Variants in MOSMO observed in about 807,000 individuals in gnomAD.
The protein encoded by MOSMO is modulator of smoothened, also known as modulator of smoothened protein.
MOSMO carries 5 observed loss-of-function variants against 18.4 expected under a neutral mutation model. The ratio of observed to expected loss-of-function variants is 0.27; its 90% confidence interval spans 0.14 to 0.57. MOSMO has a LOEUF of 0.57. Ranked by LOEUF, MOSMO falls within the 20% of genes least tolerant of loss-of-function variation. MOSMO has a pLI of 0.92. For synonymous variants in MOSMO, 82 were observed against 82.3 expected (o/e 1.00, Z 0.02); for missense variants, 138 against 211.8 (o/e 0.65, Z 2.16).
chr16:22,089,285 C>T (rs1402838494), downstream of MOSMO, among the ~76,000 whole-genome samples: 1 of 152,078 alleles, frequency 6.6e-6, no homozygotes, highest in Non-Finnish European at 1.5e-5. Context: ...CCAGACTGGT[C>T]CTGAACTCCT....
At chr16:22,024,771 G>A (rs1317070575) in intron 1 of MOSMO, among the ~76,000 whole-genome samples, 1 of 152,058 alleles carries the variant, frequency 6.6e-6, no homozygotes, top group South Asian at 2.1e-4. Flanking sequence ...TTTATGGCAG[G>A]GACATATGTG....
intron 1 of MOSMO, among the ~76,000 whole-genome samples, chr16:22,030,576 G>T (rs1899973516): frequency 6.6e-6 from 1 of 152,092 alleles, no homozygotes; most frequent in African/African-American, 2.4e-5. Context: ...TCACCCTGTT[G>T]CCCAGGCTGG....
At chr16:22,089,360 C>T (rs1226254553), downstream of MOSMO, among the ~76,000 whole-genome samples, 1 of 152,164 alleles carries the variant, frequency 6.6e-6, no homozygotes, top group Admixed American at 6.5e-5. Flanking sequence ...AGCCACCATG[C>T]CCCAGCCTGT....
rs142679976 is a variant in MOSMO at position 22,045,891 on chromosome 16, T to A, written c.107-29596T>A. Among the ~76,000 whole-genome samples, 109 of 152,292 alleles carry A rather than the reference T, an allele frequency of 7.2e-4. 2 individuals are homozygous for A. In the East Asian group the frequency reaches 0.018, roughly 25 times the overall value. ...TCTTCACTAGAACTCTTTTTTTTTT[T>A]TATACTTTAAGTTTTAGGGTGCATG... On this transcript the variant is annotated intron_variant, in intron 1 of 2. Coordinates refer to ENST00000542527, the MANE Select transcript of MOSMO (RefSeq NM_001164579.2).
chr16:22,061,536 G>T (rs913170800), intron 1 of MOSMO, among the ~76,000 whole-genome samples: 1 of 152,226 alleles, frequency 6.6e-6, no homozygotes, highest in Non-Finnish European at 1.5e-5. Flanking sequence ...GTCTGGCTGT[G>T]TGTATGGAAG....
chr16:22,054,561 G>A (rs1174730461), intron 1 of MOSMO, among the ~76,000 whole-genome samples: 3 of 152,126 alleles, frequency 2.0e-5, no homozygotes, highest in Admixed American at 2.0e-4. Context: ...GTTTACTAAG[G>A]AGTCTCTGGA....
intron 1 of MOSMO, among the ~76,000 whole-genome samples, chr16:22,043,108 A>C (rs1900241002): frequency 6.6e-6 from 1 of 152,236 alleles, no homozygotes; most frequent in Non-Finnish European, 1.5e-5. Flanking sequence ...CTTACCCTGT[A>C]AAGATCAACA....
chr16:22,052,711 GAAAC>G (rs1190221979), intron 1 of MOSMO, among the ~76,000 whole-genome samples: 2 of 151,994 alleles, frequency 1.3e-5, no homozygotes, highest in African/African-American at 4.8e-5. Context: ...TTGAGCAAGA[GAAAC>G]AAACTGTGGA....
intron 1 of MOSMO, among the ~76,000 whole-genome samples, chr16:22,048,092 G>C (rs1185660280): frequency 6.6e-6 from 1 of 152,190 alleles, no homozygotes; most frequent in Non-Finnish European, 1.5e-5. Flanking sequence ...ATCTTGAGCA[G>C]TGTACTTCCA....
Position 22,075,633 on chromosome 16 carries a change from T to A in MOSMO, c.253T>A (p.Leu85Met). ...CATTTCATTGACTGTCACATGTGGT[T>A]TGCTGGTGGCTTCCCACTGGCGAAG... ...GIISLTVTCG[L>M]LVASHWRREA... is the part of the protein sequence containing the mutation. Residue 85 changes from leucine (L) to methionine (M), a missense_variant, in exon 2 of 3, where the codon TTG (leucine) becomes ATG (methionine). By Grantham distance (15) the Leu-to-Met change is conservative. Transcript: ENST00000542527. 6.5e-7 allele frequency: 1 copy of A among 1,537,418 alleles called. No individual in the cohort carries two copies. Among genetic ancestry groups the A allele is most frequent in the Non-Finnish European group, 8.7e-7 (1 of 1,146,956 alleles).
In MOSMO at chr16:22,008,163, G is replaced by A. The variant is rs1392371116; in HGVS notation, c.-139G>A. 1 of 181,722 alleles carries A rather than the reference G, an allele frequency of 5.5e-6. No individual in the cohort carries two copies. Among genetic ancestry groups the A allele is most frequent in the Non-Finnish European group, 1.0e-5 (1 of 96,852 alleles). The allele number at this position is 181,722 out of a possible 1,614,324, so 11.3% of individuals were successfully genotyped here. On this transcript the variant is annotated 5_prime_UTR_variant, in exon 1 of 3. Transcript: ENST00000542527. ...GCTGCTGGTCCCGGGCGCGCGGAGG[G>A]CGCGAGCGGCGCGCGGGGGCCGAGG...
chr16:22,083,308 A>C lies in MOSMO; in HGVS notation c.*2428A>C, dbSNP rs1332782746. Reference sequence around the variant, plus strand: ...TTTGTATCTATTACCCAAACCATTAAATTGTCTTTAATTTCATTGTTGTCT... The same window carrying C: ...TTTGTATCTATTACCCAAACCATTACATTGTCTTTAATTTCATTGTTGTCT... On this transcript the variant is annotated 3_prime_UTR_variant, in exon 3 of 3. Coordinates refer to ENST00000542527, the MANE Select transcript of MOSMO (RefSeq NM_001164579.2). The C allele has an allele frequency of 6.4e-6, 1 of 155,454 alleles. No homozygotes were observed. The highest frequency in any genetic ancestry group is 6.5e-5 in the Admixed American group (1 of 15,368). 9.6% of individuals were successfully genotyped at this position (155,454 alleles called of 1,614,324 possible).
At chr16:22,035,096 C>T (rs991202428) in intron 1 of MOSMO, among the ~76,000 whole-genome samples, 6 of 152,014 alleles carry the variant, frequency 3.9e-5, no homozygotes, top group South Asian at 2.1e-4. Flanking sequence ...TTTGATCATA[C>T]AGGAGTCCTG....
At chr16:22,089,727 C>G (rs1901259148), downstream of MOSMO, among the ~76,000 whole-genome samples, 1 of 150,516 alleles carries the variant, frequency 6.6e-6, no homozygotes, top group South Asian at 2.1e-4. Context: ...GTTCGTCTCA[C>G]ACTTGGGGAA....
chr16:22,014,034 C>T (rs1597993804), intron 1 of MOSMO, among the ~76,000 whole-genome samples: 1 of 152,070 alleles, frequency 6.6e-6, no homozygotes, highest in Non-Finnish European at 1.5e-5. Flanking sequence ...TTTGGGGGCA[C>T]GTGACGTCCT....
At chr16:22,016,913 G>A (rs1173618289) in intron 1 of MOSMO, among the ~76,000 whole-genome samples, 4 of 152,142 alleles carry the variant, frequency 2.6e-5, no homozygotes, top group Non-Finnish European at 5.9e-5. Context: ...AGTTTTAAAG[G>A]AATTTAAGAG....
At chr16:22,048,274 G>C (rs1215771797) in intron 1 of MOSMO, among the ~76,000 whole-genome samples, 1 of 152,122 alleles carries the variant, frequency 6.6e-6, no homozygotes, top group East Asian at 1.9e-4. Flanking sequence ...CTCCCTCATA[G>C]GGTTGTGAAC....
In MOSMO at chr16:22,008,242, G is replaced by A; in HGVS notation, c.-60G>A. On this transcript the variant is annotated 5_prime_UTR_variant, in exon 1 of 3. Coordinates refer to ENST00000542527, the MANE Select transcript of MOSMO (RefSeq NM_001164579.2). ...GGGCCCCGGCGGCGGCCCATGGGGC[G>A]GGAGGCGTGAGGCCGCTGCCTGTCC... is the stretch of plus-strand genomic sequence containing the variant. The A allele has an allele frequency of 8.9e-7, 1 of 1,124,334 alleles. No homozygotes were observed. The highest frequency in any genetic ancestry group is 3.2e-5 in the East Asian group (1 of 31,394). The allele number at this position is 1,124,334 out of a possible 1,614,324, so 69.6% of individuals were successfully genotyped here.
chr16:22,052,286 C>T (rs889368302), intron 1 of MOSMO, among the ~76,000 whole-genome samples: 3 of 151,858 alleles, frequency 2.0e-5, no homozygotes, highest in Non-Finnish European at 4.4e-5. Context: ...ATGAGGCAGC[C>T]CTGTATATGC....
Sources: allele counts gnomAD v4.1 joint callset (sites outside exome capture counted in the v4.1 genomes callset), GRCh38; gene constraint gnomAD v4.1.1; transcripts MANE v1.5; gene names NCBI Gene and HGNC (gene_info 2026-07-23, HGNC 2026-07-21).